MAPRE2: variants seen among roughly 807,000 people sequenced by gnomAD.
The protein encoded by MAPRE2 is microtubule associated protein RP/EB family member 2.
Under a neutral mutation model 43.2 loss-of-function variants are expected in MAPRE2, and 13 were observed. That is an observed-to-expected ratio of 0.30 (90% CI 0.20 to 0.48). MAPRE2 has a LOEUF of 0.48. MAPRE2 is among the 20% of genes least tolerant of loss of function. The pLI, the probability that MAPRE2 is intolerant of heterozygous loss-of-function variation, is 0.99. For synonymous variants in MAPRE2, 135 were observed against 148.8 expected, an observed-to-expected ratio of 0.91 and a Z score of 0.68; for missense variants, 161 against 400.2, an observed-to-expected ratio of 0.40 and a Z score of 5.10.
At chr18:35,041,892 G>C in intron 1 of MAPRE2, 3 of 991,480 alleles carry the variant, frequency 3.0e-6, no homozygotes, top group Non-Finnish European at 4.3e-6. Context: ...GCCTTCGAGG[G>C]GTCTCCCTCC....
At chr18:35,090,873 A>T (rs1230878848) in intron 2 of MAPRE2, among the ~76,000 whole-genome samples, 1 of 152,224 alleles carries the variant, frequency 6.6e-6, no homozygotes, top group African/African-American at 2.4e-5. Flanking sequence ...TTGTTGCAGG[A>T]TACAAAATCA....
chr18:35,135,444 C>G (rs890212202), intron 6 of MAPRE2, among the ~76,000 whole-genome samples: 3 of 152,116 alleles, frequency 2.0e-5, no homozygotes, highest in Non-Finnish European at 2.9e-5. Context: ...TATCTTAAAG[C>G]CTCCAAGCAT....
At chr18:34,986,251 G>A (rs1374706647) in intron 1 of MAPRE2, among the ~76,000 whole-genome samples, 4 of 152,170 alleles carry the variant, frequency 2.6e-5, no homozygotes, top group African/African-American at 9.7e-5. Context: ...ACTGGTAAGA[G>A]ATGACAGGGC....
Position 35,142,965 on chromosome 18 carries a change from GC to G in MAPRE2, c.*2599del, listed in dbSNP as rs1224964118. 1 of 151,178 alleles carries G rather than the reference GC, an allele frequency of 6.6e-6. No individual in the cohort carries two copies. The highest frequency in any genetic ancestry group is 6.6e-5 in the Admixed American group (1 of 15,106). The allele number at this position is 151,178 out of a possible 1,614,324, so 9.4% of individuals were successfully genotyped here. A position where few individuals can be genotyped will look rare whatever the true frequency, so the allele number is the denominator to read the frequency against. Reference sequence around the variant, plus strand: ...TTTCATCCTTAGTACCCCCCCTCGTGCCCGCTGTCGGCTGGTTATAGCACTT... The same window carrying G: ...TTTCATCCTTAGTACCCCCCCTCGTGCCGCTGTCGGCTGGTTATAGCACTT... On this transcript the variant is annotated 3_prime_UTR_variant, in exon 7 of 7. Transcript: ENST00000300249.
At chr18:34,992,832 C>T (rs2097024498) in intron 1 of MAPRE2, among the ~76,000 whole-genome samples, 1 of 152,170 alleles carries the variant, frequency 6.6e-6, no homozygotes, top group African/African-American at 2.4e-5. Flanking sequence ...AGATCAGACA[C>T]ATTTTAAAAA....
At chr18:34,988,301 C>G (rs1291228773) in intron 1 of MAPRE2, among the ~76,000 whole-genome samples, 1 of 152,274 alleles carries the variant, frequency 6.6e-6, no homozygotes, top group Non-Finnish European at 1.5e-5. Flanking sequence ...TTTATGTCTG[C>G]TTTCCTGTCT....
At chr18:34,985,488 TTG>T (rs367566256) in intron 1 of MAPRE2, among the ~76,000 whole-genome samples, 4 of 53,876 alleles carry the variant, frequency 7.4e-5, no homozygotes, top group African/African-American at 2.4e-4. Context: ...AATATATATA[TTG>T]TATATTATAT....
chr18:35,081,019 A>G (rs1568996338), intron 2 of MAPRE2, among the ~76,000 whole-genome samples: 2 of 152,216 alleles, frequency 1.3e-5, no homozygotes, highest in South Asian at 2.1e-4. Flanking sequence ...CGCATTCTGC[A>G]TGAGGAGGAT....
At chr18:34,989,626 A>G (rs996500087) in intron 1 of MAPRE2, among the ~76,000 whole-genome samples, 2 of 152,224 alleles carry the variant, frequency 1.3e-5, no homozygotes, top group Non-Finnish European at 2.9e-5. Flanking sequence ...CAGGAGGATC[A>G]CTTGAACCTG....
At chr18:35,116,178 G>T (rs935178063) in intron 4 of MAPRE2, among the ~76,000 whole-genome samples, 1 of 152,190 alleles carries the variant, frequency 6.6e-6, no homozygotes, top group African/African-American at 2.4e-5. Flanking sequence ...AAAAAGTAAA[G>T]TTCAAGCAAA....
chr18:34,997,463 A>T (rs1188049566), intron 1 of MAPRE2, among the ~76,000 whole-genome samples: 1 of 152,186 alleles, frequency 6.6e-6, no homozygotes, highest in Non-Finnish European at 1.5e-5. Flanking sequence ...AAGCATAAGG[A>T]GAGAAAAGCA....
Position 35,019,181 on chromosome 18 carries a change from G to A in MAPRE2, c.-8+13628G>A, listed in dbSNP as rs150941059. 4.7e-3 allele frequency among the ~76,000 whole-genome samples: 720 copies of A among 151,886 alleles called. 8 individuals carry two copies. Among genetic ancestry groups the A allele is most frequent in the African/African-American group, 0.017 (686 of 41,466 alleles). On this transcript the variant is annotated intron_variant, in intron 2 of 7. Coordinates refer to the MAPRE2 transcript ENST00000413393. ...TTGATTTCTATTTTTATTCCACTGCGGTCCAACAGTATGTTTGGTATGATT... is the reference window on the plus strand; with the variant it reads ...TTGATTTCTATTTTTATTCCACTGCAGTCCAACAGTATGTTTGGTATGATT...
chr18:34,978,482 C>T lies in MAPRE2; in HGVS notation c.-70+1403C>T, dbSNP rs576044599. 45 of 1,549,606 alleles carry T rather than the reference C, an allele frequency of 2.9e-5. No homozygotes were observed. The African/African-American group carries it at 4.8e-4, about 16-fold the overall frequency. ...AGCACCTACTTCTAATCTGAGGACCCGCGATTTACACTTTTGCTGAATAGG... is the reference window on the plus strand; with the variant it reads ...AGCACCTACTTCTAATCTGAGGACCTGCGATTTACACTTTTGCTGAATAGG... On this transcript the variant is annotated intron_variant, in intron 1 of 7. Transcript: ENST00000413393.
chr18:35,013,124 G>A (rs2097035828), intron 2 of MAPRE2, among the ~76,000 whole-genome samples: 1 of 152,198 alleles, frequency 6.6e-6, no homozygotes, highest in African/African-American at 2.4e-5. Flanking sequence ...TGATCTTGGT[G>A]AGAATAATTT....
chr18:35,027,759 T>A (rs956254817), intron 2 of MAPRE2, among the ~76,000 whole-genome samples: 9 of 152,240 alleles, frequency 5.9e-5, no homozygotes, highest in African/African-American at 1.4e-4. Flanking sequence ...TCCTACATTA[T>A]GGTTTTGTGG....
At chr18:35,138,654 C>T (rs1472232725) in intron 6 of MAPRE2, among the ~76,000 whole-genome samples, 1 of 152,112 alleles carries the variant, frequency 6.6e-6, no homozygotes, top group African/African-American at 2.4e-5. Context: ...CTCATTAACT[C>T]CTCTGTTGGA....
chr18:35,035,293 G>A (rs186486242), intron 2 of MAPRE2, among the ~76,000 whole-genome samples: 103 of 150,214 alleles, frequency 6.9e-4, no homozygotes, highest in African/African-American at 1.9e-3. Context: ...GTTCTCACTC[G>A]TAGGTGGGAA....
chr18:35,142,727 A>ATCT lies in MAPRE2; in HGVS notation c.*2360_*2362dup, dbSNP rs1208980137. On this transcript the variant is annotated 3_prime_UTR_variant, in exon 7 of 7. Coordinates refer to ENST00000300249, the MANE Select transcript of MAPRE2 (RefSeq NM_014268.4). ...GATGGTGTCTCAGATGCTTTGGGGA[A>ATCT]TCTTTAACAGCTGAATTTGAGTCAG... 1 of 152,194 alleles carries ATCT rather than the reference A, an allele frequency of 6.6e-6. No homozygotes were observed. Among genetic ancestry groups the ATCT allele is most frequent in the African/African-American group, 2.4e-5 (1 of 41,414 alleles). The allele number at this position is 152,194 out of a possible 1,614,324, so 9.4% of individuals were successfully genotyped here.
At chr18:35,027,235 A>G (rs2097045698) in intron 2 of MAPRE2, among the ~76,000 whole-genome samples, 1 of 152,158 alleles carries the variant, frequency 6.6e-6, no homozygotes, top group South Asian at 2.1e-4. Context: ...AGTGGTGTTG[A>G]TAGCCCTTCC....
Sources: allele counts gnomAD v4.1 joint callset (sites outside exome capture counted in the v4.1 genomes callset), GRCh38; gene constraint gnomAD v4.1.1; transcripts MANE v1.5; gene names NCBI Gene and HGNC (gene_info 2026-07-23, HGNC 2026-07-21).